Variants in SOX5 observed in about 807,000 individuals in gnomAD.
The protein encoded by SOX5 is transcription factor SOX-5.
Under a neutral mutation model 92.0 loss-of-function variants are expected in SOX5, and 9 were observed. The observed-to-expected ratio is 0.10, with a 90% confidence interval of 0.06 to 0.17. The LOEUF (loss-of-function observed/expected upper bound fraction) is 0.17, where lower values mean the gene tolerates loss of function less well. Ranked by LOEUF, SOX5 falls within the 10% of genes least tolerant of loss-of-function variation. The probability of loss-of-function intolerance (pLI) is 1.00; values close to 1 mark genes in which losing one functional copy is unlikely to be tolerated. For missense variants in SOX5, 642 were observed against 944.5 expected (o/e 0.68, Z 4.20); for synonymous variants, 344 against 336.3 (o/e 1.02, Z -0.25).
rs1938196888 is a variant in SOX5, at chr12:24,244,455, C to T, written c.-76-31038G>A. On this transcript the variant is annotated intron_variant, in intron 3 of 4. Coordinates refer to the SOX5 transcript ENST00000446891. ...CCAGGGCCTATGCACCAGCTGCAGT[C>T]CCTGGAAAATTCTTTCCCCACTCCT... is the stretch of plus-strand genomic sequence containing the variant. Among the ~76,000 whole-genome samples, 2 of 152,168 alleles carry T rather than the reference C, an allele frequency of 1.3e-5. 1 individual carries two copies. Among genetic ancestry groups the T allele is most frequent in the South Asian group, 4.1e-4 (2 of 4,830 alleles).
At chr12:23,587,840 G>C (rs972874966) in intron 9 of SOX5, among the ~76,000 whole-genome samples, 1 of 152,020 alleles carries the variant, frequency 6.6e-6, no homozygotes, top group African/African-American at 2.4e-5. Context: ...AGAAGTGAAG[G>C]AGAGGATGGA....
At chr12:24,306,142 G>C (rs1183066575) in intron 2 of SOX5, among the ~76,000 whole-genome samples, 5 of 152,192 alleles carry the variant, frequency 3.3e-5, no homozygotes, top group Non-Finnish European at 5.9e-5. Flanking sequence ...AAATTCTCCT[G>C]AAAGTGGAAT....
At chr12:24,413,632 A>C (rs957750401) in intron 1 of SOX5, among the ~76,000 whole-genome samples, 2 of 152,180 alleles carry the variant, frequency 1.3e-5, no homozygotes, top group African/African-American at 4.8e-5. Flanking sequence ...GAATATTATC[A>C]CTCATCTACA....
intron 8 of SOX5, among the ~76,000 whole-genome samples, chr12:23,631,274 C>T (rs112695737): frequency 6.6e-6 from 1 of 152,104 alleles, no homozygotes; most frequent in African/African-American, 2.4e-5. Flanking sequence ...AATTTGTCTT[C>T]ATAAAATATT....
At chr12:24,405,605 C>G (rs1340732788) in intron 1 of SOX5, among the ~76,000 whole-genome samples, 1 of 152,136 alleles carries the variant, frequency 6.6e-6, no homozygotes, top group South Asian at 2.1e-4. Flanking sequence ...GTGTGTACAT[C>G]AGTGGATCCA....
chr12:23,663,606 AG>A (rs1419831920), intron 7 of SOX5, among the ~76,000 whole-genome samples: 1 of 152,126 alleles, frequency 6.6e-6, no homozygotes, highest in Non-Finnish European at 1.5e-5. Context: ...ATGCAGTCAA[AG>A]GCAACTAATG....
intron 4 of SOX5, among the ~76,000 whole-genome samples, chr12:24,094,755 C>T (rs905728161): frequency 2.0e-5 from 3 of 152,132 alleles, no homozygotes; most frequent in African/African-American, 7.2e-5. Flanking sequence ...GCTTTTAATG[C>T]CACCATTGCC....
chr12:24,379,366 G>T (rs1213601492), intron 1 of SOX5, among the ~76,000 whole-genome samples: 2 of 152,156 alleles, frequency 1.3e-5, no homozygotes, highest in African/African-American at 4.8e-5. Flanking sequence ...GAATGTTTCA[G>T]GCTGGTTACG....
intron 1 of SOX5, among the ~76,000 whole-genome samples, chr12:24,476,777 G>A (rs984894223): frequency 3.9e-5 from 6 of 152,080 alleles, no homozygotes; most frequent in African/African-American, 1.4e-4. Context: ...CACAGCAGAA[G>A]CACACAAAGG....
At chr12:24,282,627 T>C (rs1348573366) in intron 2 of SOX5, among the ~76,000 whole-genome samples, 1 of 152,140 alleles carries the variant, frequency 6.6e-6, no homozygotes, top group African/African-American at 2.4e-5. Context: ...TTAAGAGATT[T>C]TTTAGTGTTA....
intron 9 of SOX5, among the ~76,000 whole-genome samples, chr12:23,597,197 T>A (rs1227297507): frequency 6.6e-6 from 1 of 152,206 alleles, no homozygotes; most frequent in Non-Finnish European, 1.5e-5. Context: ...CAAAACAAAA[T>A]CAGTATACTG....
chr12:24,361,342 G>T (rs1955530606), intron 2 of SOX5, among the ~76,000 whole-genome samples: 1 of 152,102 alleles, frequency 6.6e-6, no homozygotes, highest in Non-Finnish European at 1.5e-5. Context: ...AGATTACTCT[G>T]CCTGGGTGTG....
intron 1 of SOX5, among the ~76,000 whole-genome samples, chr12:24,539,375 A>G (rs1951917166): frequency 6.6e-6 from 1 of 152,182 alleles, no homozygotes; most frequent in Non-Finnish European, 1.5e-5. Context: ...ATCACATATC[A>G]TGTTAAACAA....
rs79198266 is a variant in SOX5, at chr12:23,651,773, G to C, written c.932-10876C>G. Among the ~76,000 whole-genome samples, 301 of 151,978 alleles carry C rather than the reference G, an allele frequency of 2.0e-3. 4 individuals are homozygous for C. The highest frequency in any genetic ancestry group is 3.0e-3 in the Non-Finnish European group (203 of 67,922). Reference sequence around the variant, plus strand: ...CCTATGAGCTGAAATGCCTGGCATAGAGTAGATGCTCAATTAAAAAAATGA... The same window carrying C: ...CCTATGAGCTGAAATGCCTGGCATACAGTAGATGCTCAATTAAAAAAATGA... On this transcript the variant is annotated intron_variant, in intron 7 of 14. Coordinates refer to ENST00000451604, the MANE Select transcript of SOX5 (RefSeq NM_006940.6).
chr12:23,898,921 C>T (rs1477428323), intron 1 of SOX5, among the ~76,000 whole-genome samples: 1 of 152,120 alleles, frequency 6.6e-6, no homozygotes, highest in Non-Finnish European at 1.5e-5. Flanking sequence ...TAATAGGCTA[C>T]TAAGTCAGAA....
At chr12:23,563,190 T>A (rs186514763) in intron 11 of SOX5, 68 bp downstream of exon 11, 76 of 1,280,006 alleles carry the variant, frequency 5.9e-5, no homozygotes, top group Admixed American at 2.7e-4. Flanking sequence ...GGAAATATAT[T>A]TTTTTTAAAA....
chr12:24,425,122 A>G (rs997627451), intron 1 of SOX5, among the ~76,000 whole-genome samples: 1 of 152,206 alleles, frequency 6.6e-6, no homozygotes, highest in African/African-American at 2.4e-5. Flanking sequence ...AACAGCAGTT[A>G]GACTTTGTCA....
rs560874294 is a variant in SOX5 at position 23,892,756 on chromosome 12, G to A, written c.270+3037C>T. Among the ~76,000 whole-genome samples the A allele has an allele frequency of 1.4e-4, 22 of 152,306 alleles. No individual in the cohort carries two copies. In the South Asian group the frequency reaches 4.1e-3, roughly 29 times the overall value. ...GCTGATGTCACTAAAACAATCATTT[G>A]TATCCAAACTGTACTAACTTCTAGA... On this transcript the variant is annotated intron_variant, in intron 2 of 14. Transcript: ENST00000451604.
At chr12:24,319,470 A>AT in intron 2 of SOX5, among the ~76,000 whole-genome samples, 1 of 152,316 alleles carries the variant, frequency 6.6e-6, no homozygotes, top group Middle Eastern at 3.4e-3. Context: ...TTTATGTCCC[A>AT]TAATCAATTA....
Sources: allele counts gnomAD v4.1 joint callset (sites outside exome capture counted in the v4.1 genomes callset), GRCh38; gene constraint gnomAD v4.1.1; transcripts MANE v1.5; gene names NCBI Gene and HGNC (gene_info 2026-07-23, HGNC 2026-07-21).